Variants in OSBPL6 observed in about 807,000 individuals in gnomAD.
OSBPL6 encodes oxysterol binding protein like 6.
Under a neutral mutation model 125.8 loss-of-function variants are expected in OSBPL6, and 49 were observed. That is an observed-to-expected ratio of 0.39 (90% CI 0.31 to 0.49). The LOEUF is 0.49. OSBPL6 is among the 20% of genes least tolerant of loss of function. The probability of loss-of-function intolerance (pLI) is 0.88; values close to 1 mark genes in which losing one functional copy is unlikely to be tolerated. For missense variants in OSBPL6, 986 were observed against 1,135.4 expected (o/e 0.87, Z 1.89); for synonymous variants, 394 against 391.8 (o/e 1.01, Z -0.07).
chr2:178,344,912 T>G (rs1449979531), intron 11 of OSBPL6, among the ~76,000 whole-genome samples: 1 of 151,980 alleles, frequency 6.6e-6, no homozygotes, highest in Non-Finnish European at 1.5e-5. Flanking sequence ...AATATTGACA[T>G]GAAAATTAGA....
chr2:178,230,336 G>A (rs1309074619), intron 1 of OSBPL6: 2 of 152,204 alleles, frequency 1.3e-5, no homozygotes, highest in African/African-American at 4.8e-5. Flanking sequence ...AATGGATACT[G>A]AAGGCAGTTT....
At chr2:178,275,237 C>G (rs546343472) in intron 1 of OSBPL6, among the ~76,000 whole-genome samples, 2 of 152,090 alleles carry the variant, frequency 1.3e-5, no homozygotes, top group Non-Finnish European at 2.9e-5. Flanking sequence ...TGGTGCTGGG[C>G]ACAGTGGCTT....
chr2:178,334,078 G>T (rs1446277255), intron 8 of OSBPL6, among the ~76,000 whole-genome samples: 1 of 152,166 alleles, frequency 6.6e-6, no homozygotes, highest in Admixed American at 6.5e-5. Context: ...CTGTGTTGAT[G>T]AAAAGCAAGA....
At chr2:178,247,143 C>T (rs996670175) in intron 1 of OSBPL6, among the ~76,000 whole-genome samples, 4 of 151,916 alleles carry the variant, frequency 2.6e-5, no homozygotes, top group African/African-American at 7.3e-5. Context: ...CAACTGGAAT[C>T]GATGTTCTCT....
In OSBPL6 at chr2:178,324,233, G is replaced by A; in HGVS notation, c.159G>A (p.Arg53=). The A allele has an allele frequency of 6.3e-7, 1 of 1,580,422 alleles. No homozygotes were observed. The highest frequency in any genetic ancestry group is 8.6e-7 in the Non-Finnish European group (1 of 1,157,518). Residue 53 remains arginine (R), a synonymous_variant, in exon 4 of 25, where the codon CGG becomes CGA. Transcript: ENST00000190611. ...CTAGCACCGAGCCCTCTGTAAGTCG[G>A]CAATTGCTAGAACCGGAGCCAGTCC... ...ASSSTEPSVS[R]QLLEPEPVPL...
chr2:178,385,532 C>G lies in OSBPL6; in HGVS notation c.2077+11C>G, dbSNP rs2154115663. On this transcript the variant is annotated intron_variant, in intron 19 of 24. Transcript: ENST00000190611. ...TTGTGTTTTGGCAAGGTTTGTATTTCAATTATAATTTAAAATCAAATGTAT... is the reference window on the plus strand; with the variant it reads ...TTGTGTTTTGGCAAGGTTTGTATTTGAATTATAATTTAAAATCAAATGTAT... 6.4e-7 allele frequency: 1 copy of G among 1,572,870 alleles called. No individual in the cohort carries two copies. Among genetic ancestry groups the G allele is most frequent in the African/African-American group, 1.3e-5 (1 of 74,094 alleles).
At chr2:178,380,456 CAAAAAAAAAAAAA>C (rs60399092) in intron 15 of OSBPL6, among the ~76,000 whole-genome samples, 8 of 25,988 alleles carry the variant, frequency 3.1e-4, no homozygotes, top group East Asian at 1.5e-3. Flanking sequence ...GAGTCTGTCT[CAAAAAAAAAAAAA>C]AAAAAAAAAA....
chr2:178,351,093 A>G (rs1691214473), intron 12 of OSBPL6, among the ~76,000 whole-genome samples: 1 of 152,196 alleles, frequency 6.6e-6, no homozygotes, highest in Admixed American at 6.5e-5. Context: ...AAGTTTCTCA[A>G]TATATTATAA....
chr2:178,386,253 G>A (rs941459742), intron 19 of OSBPL6, among the ~76,000 whole-genome samples: 3 of 152,130 alleles, frequency 2.0e-5, no homozygotes, highest in Admixed American at 1.3e-4. Flanking sequence ...TCATCACCAA[G>A]AATCAGGCAT....
intron 1 of OSBPL6, among the ~76,000 whole-genome samples, chr2:178,212,293 G>A (rs1317323599): frequency 2.0e-5 from 3 of 152,178 alleles, no homozygotes; most frequent in Admixed American, 6.5e-5. Flanking sequence ...CCTGGAGCCC[G>A]AGTTCTTTTA....
At chr2:178,309,772 G>A (rs1260807921) in intron 3 of OSBPL6, among the ~76,000 whole-genome samples, 2 of 152,166 alleles carry the variant, frequency 1.3e-5, no homozygotes, top group Non-Finnish European at 1.5e-5. Flanking sequence ...TCATTAAGCT[G>A]CAATAAACAT....
At chr2:178,264,375 C>T (rs1035311285) in intron 1 of OSBPL6, among the ~76,000 whole-genome samples, 1 of 152,104 alleles carries the variant, frequency 6.6e-6, no homozygotes, top group African/African-American at 2.4e-5. Flanking sequence ...CTAGATTAGG[C>T]ACTGCAGCAC....
chr2:178,234,776 G>T (rs2153984012), intron 1 of OSBPL6, among the ~76,000 whole-genome samples: 1 of 152,216 alleles, frequency 6.6e-6, no homozygotes, highest in South Asian at 2.1e-4. Flanking sequence ...ACCTGCTTTT[G>T]GAATCATTTG....
intron 12 of OSBPL6, among the ~76,000 whole-genome samples, chr2:178,351,046 T>TAA (rs534234540): frequency 2.0e-5 from 3 of 152,026 alleles, no homozygotes; most frequent in African/African-American, 7.2e-5. Context: ...TCTTTCTTGA[T>TAA]AAAAAAAACA....
At chr2:178,381,591 G>C (rs1164817254) in intron 15 of OSBPL6, among the ~76,000 whole-genome samples, 2 of 152,048 alleles carry the variant, frequency 1.3e-5, no homozygotes, top group South Asian at 2.1e-4. Flanking sequence ...CTCACCTTGT[G>C]ATCTGCCTGC....
chr2:178,225,231 C>A (rs2090505536), intron 1 of OSBPL6, among the ~76,000 whole-genome samples: 1 of 148,476 alleles, frequency 6.7e-6, no homozygotes. Flanking sequence ...TGGTCAGGTG[C>A]CCATTACTTT....
At chr2:178,219,420 A>G (rs957955212) in intron 1 of OSBPL6, among the ~76,000 whole-genome samples, 6 of 152,348 alleles carry the variant, frequency 3.9e-5, no homozygotes, top group African/African-American at 1.2e-4. Flanking sequence ...TGGTGCTTTA[A>G]TCCTACTATC....
intron 15 of OSBPL6, among the ~76,000 whole-genome samples, chr2:178,379,379 AAAAGGAGAAAGGAGGCAGGGAGGGAGGG>A: frequency 6.8e-6 from 1 of 147,120 alleles, no homozygotes; most frequent in Non-Finnish European, 1.5e-5. Flanking sequence ...GGGAGGGAGG[AAAAGGAGAAAGGAGGCAGGGAGGGAGGG>A]AAAGAAAGAG....
At chr2:178,374,070 C>T (rs374767627) in intron 15 of OSBPL6, 43 bp downstream of exon 15, 1 of 1,595,346 alleles carries the variant, frequency 6.3e-7, no homozygotes, top group Non-Finnish European at 8.6e-7. Context: ...CATCTTGTGA[C>T]TGAGTTTGAG....
Sources: gnomAD v4.1 joint callset for allele counts (sites outside exome capture counted in the v4.1 genomes callset) on GRCh38, gnomAD v4.1.1 for gene constraint, MANE v1.5 for transcripts, NCBI Gene and HGNC (gene_info 2026-07-23, HGNC 2026-07-21) for gene names.